NUCB2: variants seen among roughly 807,000 people sequenced by gnomAD.
NUCB2 encodes nucleobindin 2, also known as nucleobindin-2.
Under a neutral mutation model 57.9 loss-of-function variants are expected in NUCB2, and 48 were observed. The observed-to-expected ratio is 0.83, with a 90% CI of 0.66 to 1.05. The LOEUF is 1.05. NUCB2 is among the 50% of genes least tolerant of loss of function. The pLI is 0.00. For synonymous variants in NUCB2, 139 were observed against 152.1 expected (o/e 0.91, Z 0.64); for missense variants, 442 against 476.2 (o/e 0.93, Z 0.67).
chr11:17,292,534 A>T (rs1468810718), intron 2 of NUCB2, among the ~76,000 whole-genome samples: 1 of 152,212 alleles, frequency 6.6e-6, no homozygotes, highest in Non-Finnish European at 1.5e-5. Flanking sequence ...TTTAGAAAAT[A>T]TGGAGTAGGC....
At chr11:17,288,068 T>C (rs1310538775) in intron 2 of NUCB2, among the ~76,000 whole-genome samples, 1 of 152,168 alleles carries the variant, frequency 6.6e-6, no homozygotes, top group Non-Finnish European at 1.5e-5. Context: ...CAGTGTTGTA[T>C]GGGAAAACAC....
chr11:17,343,788 T>C (rs992594223), intron 2 of NUCB2, among the ~76,000 whole-genome samples: 24 of 152,338 alleles, frequency 1.6e-4, no homozygotes, highest in Admixed American at 9.1e-4. Context: ...CTTTGTGTAG[T>C]GATTCTTTCT....
At chr11:17,298,110 C>T (rs1234458837) in intron 4 of NUCB2, among the ~76,000 whole-genome samples, 1 of 149,446 alleles carries the variant, frequency 6.7e-6, no homozygotes, top group South Asian at 2.1e-4. Context: ...AAAGGGGGGC[C>T]GGGGCAGTAG....
chr11:17,344,598 A>G (rs1952567886), intron 2 of NUCB2, among the ~76,000 whole-genome samples: 1 of 152,068 alleles, frequency 6.6e-6, no homozygotes, highest in African/African-American at 2.4e-5. Flanking sequence ...GCTTTATGGG[A>G]CTCTATTATC....
At chr11:17,345,635 A>C (rs1228253497) in intron 2 of NUCB2, among the ~76,000 whole-genome samples, 2 of 152,188 alleles carry the variant, frequency 1.3e-5, no homozygotes, top group Admixed American at 1.3e-4. Context: ...TGAGGCCGGG[A>C]GGCGGAGGTT....
downstream of NUCB2, chr11:17,332,840 G>C (rs1380894768): frequency 6.6e-6 from 1 of 152,162 alleles, no homozygotes; most frequent in Non-Finnish European, 1.5e-5. Flanking sequence ...AGTCCCCCTA[G>C]TAGCTAGGAC....
At chr11:17,328,968 G>T (rs184108032) in intron 11 of NUCB2, among the ~76,000 whole-genome samples, 1 of 152,138 alleles carries the variant, frequency 6.6e-6, no homozygotes, top group Admixed American at 6.5e-5. Context: ...GGGTCTTGCC[G>T]CTGATTATTC....
rs768882086 is a variant in NUCB2, at chr11:17,296,136, G to A, written c.177G>A (p.Lys59=). 1 of 1,610,874 alleles carries A rather than the reference G, an allele frequency of 6.2e-7. No homozygotes were observed. Among genetic ancestry groups the A allele is most frequent in the Non-Finnish European group, 8.5e-7 (1 of 1,178,042 alleles). The change falls in exon 4 of 14, where the codon AAG becomes AAA. Residue 59 remains lysine (K), a synonymous_variant. Coordinates refer to ENST00000529010, the MANE Select transcript of NUCB2 (RefSeq NM_005013.4). ...GACTTTATTATGATGAATATCTCAAGCAAGTGATTGATGTGCTGGAAACAG... is the reference window on the plus strand; with the variant it reads ...GACTTTATTATGATGAATATCTCAAACAAGTGATTGATGTGCTGGAAACAG... ...DTGLYYDEYL[K]QVIDVLETDK... is the part of the protein sequence containing the mutation.
chr11:17,340,063 T>C (rs527977293), intron 2 of NUCB2, among the ~76,000 whole-genome samples: 9 of 152,356 alleles, frequency 5.9e-5, no homozygotes, highest in Non-Finnish European at 5.9e-5. Context: ...TATAAGATGG[T>C]ATCTCATTGT....
chr11:17,299,691 C>G (rs1448724812), intron 4 of NUCB2, among the ~76,000 whole-genome samples: 10 of 152,156 alleles, frequency 6.6e-5, no homozygotes, highest in Non-Finnish European at 1.3e-4. Flanking sequence ...ATTGCTTGAG[C>G]TCAGAAGTTC....
At chr11:17,324,836 C>G (rs1326990739) in intron 11 of NUCB2, among the ~76,000 whole-genome samples, 1 of 151,892 alleles carries the variant, frequency 6.6e-6, no homozygotes, top group East Asian at 1.9e-4. Context: ...GAGCCTCACT[C>G]TGTTGCCCTG....
chr11:17,343,722 T>G (rs1311431062), intron 2 of NUCB2, among the ~76,000 whole-genome samples: 1 of 152,238 alleles, frequency 6.6e-6, no homozygotes, highest in Non-Finnish European at 1.5e-5. Context: ...AACAGTTTTA[T>G]GGAGGTATTT....
At chr11:17,295,191 C>T in intron 2 of NUCB2, 133 bp from the exon 3 acceptor site, 9 of 690,432 alleles carry the variant, frequency 1.3e-5, no homozygotes, top group South Asian at 6.0e-5. Flanking sequence ...CTATTCTTTC[C>T]TTTCCTATAA....
In NUCB2 at chr11:17,290,094, G is replaced by A. The variant is rs549508887; in HGVS notation, c.1-5230G>A. Among the ~76,000 whole-genome samples the A allele has an allele frequency of 1.1e-4, 16 of 152,214 alleles. No individual in the cohort carries two copies. The South Asian group carries it at 3.3e-3, about 32-fold the overall frequency. On this transcript the variant is annotated intron_variant, in intron 2 of 13. Transcript: ENST00000529010. ...AAACGTAACATGGCTTTGTCTACTT[G>A]CAGGTATCTTCCTGTCTAGAGTCAG...
intron 4 of NUCB2, among the ~76,000 whole-genome samples, chr11:17,298,658 C>G (rs2077611646): frequency 6.7e-6 from 1 of 150,180 alleles, no homozygotes; most frequent in Admixed American, 6.6e-5. Flanking sequence ...ACTTCTGTTT[C>G]ATAAAAAACT....
At chr11:17,329,836 G>A (rs978171801) in intron 11 of NUCB2, among the ~76,000 whole-genome samples, 25 of 152,148 alleles carry the variant, frequency 1.6e-4, no homozygotes, top group African/African-American at 5.8e-4. Context: ...TGGGGGGAAT[G>A]ACAAATTTTA....
chr11:17,339,972 G>C (rs1230542655), intron 2 of NUCB2, among the ~76,000 whole-genome samples: 1 of 152,200 alleles, frequency 6.6e-6, no homozygotes. Flanking sequence ...CCCACCAACA[G>C]TGTAAAAGTG....
intron 2 of NUCB2, among the ~76,000 whole-genome samples, chr11:17,289,397 A>G (rs565414162): frequency 5.3e-4 from 80 of 152,238 alleles, no homozygotes; most frequent in African/African-American, 1.8e-3. Context: ...TCTTTCCTCA[A>G]ACTCTCCTTA....
intron 5 of NUCB2, among the ~76,000 whole-genome samples, chr11:17,303,093 C>T (rs936270427): frequency 1.3e-5 from 2 of 152,090 alleles, no homozygotes; most frequent in Admixed American, 1.3e-4. Flanking sequence ...GTTGCCCAGG[C>T]TGGTCTCAAA....
Sources: allele counts gnomAD v4.1 joint callset (sites outside exome capture counted in the v4.1 genomes callset), GRCh38; gene constraint gnomAD v4.1.1; transcripts MANE v1.5; gene names NCBI Gene and HGNC (gene_info 2026-07-23, HGNC 2026-07-21).